The following LRRC40 variants were observed in gnomAD, a reference collection of about 807,000 sequenced individuals.
LRRC40 encodes leucine-rich repeat-containing protein 40.
LRRC40 carries 76 observed loss-of-function variants against 72.8 expected under a neutral mutation model. The observed-to-expected ratio is 1.04, with a 90% CI of 0.87 to 1.26. LRRC40 has a LOEUF of 1.26. Among genes scored for constraint, LRRC40 ranks in the 50% most tolerant of loss-of-function variants. LRRC40 has a pLI of 0.00. For missense variants in LRRC40, 684 were observed against 698.9 expected, an observed-to-expected ratio of 0.98 and a Z score of 0.24; for synonymous variants, 243 against 254.2, an observed-to-expected ratio of 0.96 and a Z score of 0.42.
At chr1:70,177,476 T>G (rs1668134535) in intron 6 of LRRC40, among the ~76,000 whole-genome samples, 1 of 152,194 alleles carries the variant, frequency 6.6e-6, no homozygotes, top group Non-Finnish European at 1.5e-5. Context: ...AGCTCTCCAG[T>G]AAATTGCATG....
intron 11 of LRRC40, among the ~76,000 whole-genome samples, chr1:70,154,128 T>C (rs1023469463): frequency 1.8e-4 from 28 of 152,200 alleles, no homozygotes; most frequent in African/African-American, 6.8e-4. Flanking sequence ...CAAAATTTTA[T>C]GAATATGTAT....
intron 13 of LRRC40, 71 bp from the exon 14 acceptor site, chr1:70,148,743 C>A: frequency 1.1e-6 from 1 of 943,618 alleles, no homozygotes; most frequent in Non-Finnish European, 1.5e-6. Context: ...AACATATTAT[C>A]TTAAATTTGA....
chr1:70,161,855 A>G (rs1204094265), intron 9 of LRRC40, among the ~76,000 whole-genome samples: 2 of 152,218 alleles, frequency 1.3e-5, no homozygotes, highest in Non-Finnish European at 2.9e-5. Flanking sequence ...AGGTACTATT[A>G]TAAGTAAGAG....
At chr1:70,149,349 C>T (rs925110641) in intron 13 of LRRC40, among the ~76,000 whole-genome samples, 1 of 152,196 alleles carries the variant, frequency 6.6e-6, no homozygotes, top group Non-Finnish European at 1.5e-5. Flanking sequence ...TTCATTTCCG[C>T]ATACTGCCCC....
intron 1 of LRRC40, among the ~76,000 whole-genome samples, chr1:70,199,215 T>TCACACACACA (rs3223615): frequency 0.049 from 6,910 of 140,332 alleles, 283 homozygotes; most frequent in African/African-American, 0.11. Context: ...ATACATAGTC[T>TCACACACACA]CACACACACA....
chr1:70,187,004 TAA>T (rs370951818), intron 3 of LRRC40, among the ~76,000 whole-genome samples: 1 of 139,664 alleles, frequency 7.2e-6, no homozygotes, highest in Admixed American at 7.2e-5. Flanking sequence ...AATTGTTTTA[TAA>T]AAAAAAAAAA....
intron 9 of LRRC40, among the ~76,000 whole-genome samples, chr1:70,161,228 G>A (rs1667753091): frequency 6.6e-6 from 1 of 151,654 alleles, no homozygotes; most frequent in Admixed American, 6.6e-5. Context: ...GGGGCTACTG[G>A]TGCCCGCCAC....
At chr1:70,195,677 A>C (rs1482903662) in intron 1 of LRRC40, among the ~76,000 whole-genome samples, 1 of 152,190 alleles carries the variant, frequency 6.6e-6, no homozygotes. Flanking sequence ...TTTCTCACCC[A>C]AGCTGGAGAG....
intron 3 of LRRC40, 77 bp downstream of exon 3, chr1:70,187,188 T>C: frequency 1.4e-6 from 1 of 705,358 alleles, no homozygotes; most frequent in Admixed American, 2.7e-5. Context: ...ATATTTTTAA[T>C]GTTGAGAAAA....
At chr1:70,175,348 A>T (rs1668079091) in intron 7 of LRRC40, among the ~76,000 whole-genome samples, 1 of 152,304 alleles carries the variant, frequency 6.6e-6, no homozygotes, top group Admixed American at 6.5e-5. Context: ...AAAGAAAACA[A>T]AGAACAAAAA....
Position 70,145,737 on chromosome 1 carries a change from AC to A in LRRC40, c.*62del. The A allele has an allele frequency of 1.2e-6, 1 of 816,950 alleles. No homozygotes were observed. Among genetic ancestry groups the A allele is most frequent in the South Asian group, 1.8e-5 (1 of 56,764 alleles). 50.6% of individuals were successfully genotyped at this position (816,950 alleles called of 1,614,324 possible). A position where few individuals can be genotyped will look rare whatever the true frequency, so the allele number is the denominator to read the frequency against. Reference sequence around the variant, plus strand: ...TTAAGATGATACTAAAACAAATGTTACATCCTCCTTAGAATTAACCAGGGTT... The same window carrying A: ...TTAAGATGATACTAAAACAAATGTTAATCCTCCTTAGAATTAACCAGGGTT... On this transcript the variant is annotated 3_prime_UTR_variant, in exon 15 of 15. Transcript: ENST00000370952.
At chr1:70,203,936 G>C (rs887429111) in intron 1 of LRRC40, among the ~76,000 whole-genome samples, 2 of 152,144 alleles carry the variant, frequency 1.3e-5, no homozygotes, top group African/African-American at 4.8e-5. Flanking sequence ...CAAATACCAT[G>C]AGTTTCTGCC....
At position 70,190,634 on chromosome 1, in the gene LRRC40, G is replaced by A. The variant is rs188098844; in HGVS notation, c.152-1361C>T. Among the ~76,000 whole-genome samples, 512 of 121,908 alleles carry A rather than the reference G, an allele frequency of 4.2e-3. 7 individuals carry two copies. Among genetic ancestry groups the A allele is most frequent in the Non-Finnish European group, 5.6e-3 (351 of 62,548 alleles). The allele number at this position is 121,908 out of a possible 152,430, so 80.0% of individuals were successfully genotyped here. On this transcript the variant is annotated intron_variant, in intron 1 of 14. Transcript: ENST00000370952. ...AAGTTCAGTAAGTAACTGTGATCACGTCATAGAACTCCAGCCTGGGAAACA... is the reference window on the plus strand; with the variant it reads ...AAGTTCAGTAAGTAACTGTGATCACATCATAGAACTCCAGCCTGGGAAACA...
intron 13 of LRRC40, among the ~76,000 whole-genome samples, chr1:70,150,065 G>A (rs1239122142): frequency 6.6e-6 from 1 of 151,824 alleles, no homozygotes; most frequent in Non-Finnish European, 1.5e-5. Flanking sequence ...GGGTTTACAG[G>A]CCACCACCAC....
chr1:70,181,407 G>A (rs1260346733), intron 4 of LRRC40, among the ~76,000 whole-genome samples, 198 bp from the exon 5 acceptor site: 1 of 151,900 alleles, frequency 6.6e-6, no homozygotes, highest in Admixed American at 6.6e-5. Context: ...AATATCTGCA[G>A]GCCCACTATA....
chr1:70,186,216 C>CT (rs781748906), intron 3 of LRRC40, among the ~76,000 whole-genome samples: 3 of 152,092 alleles, frequency 2.0e-5, no homozygotes, highest in Admixed American at 1.3e-4. Context: ...AAGATTCATA[C>CT]TTTTTTTAAA....
At chr1:70,153,024 C>G (rs1200979443) in intron 11 of LRRC40, among the ~76,000 whole-genome samples, 2 of 152,060 alleles carry the variant, frequency 1.3e-5, no homozygotes, top group East Asian at 3.9e-4. Flanking sequence ...TAAGCCTAAT[C>G]AAGGTTTATA....
intron 1 of LRRC40, among the ~76,000 whole-genome samples, chr1:70,196,846 A>T (rs904205590): frequency 4.6e-5 from 7 of 152,212 alleles, no homozygotes; most frequent in African/African-American, 1.7e-4. Flanking sequence ...GTCAAAAGTC[A>T]TTAAACTGTA....
chr1:70,171,081 G>A (rs1485066309), intron 9 of LRRC40, among the ~76,000 whole-genome samples: 2 of 152,040 alleles, frequency 1.3e-5, no homozygotes, highest in Non-Finnish European at 2.9e-5. Context: ...TTTTTTACAA[G>A]AATGCCAAGA....
Sources: gnomAD v4.1 joint callset for allele counts (sites outside exome capture counted in the v4.1 genomes callset) on GRCh38, gnomAD v4.1.1 for gene constraint, MANE v1.5 for transcripts, NCBI Gene and HGNC (gene_info 2026-07-23, HGNC 2026-07-21) for gene names.